CIB1: variants seen among roughly 807,000 people sequenced by gnomAD.
CIB1 encodes the protein calcium and integrin binding 1, also known as calcium and integrin-binding protein 1.
A neutral mutation model predicts 25.0 loss-of-function variants in CIB1; 19 were observed. That is an observed-to-expected ratio of 0.76 (90% CI 0.53 to 1.12). The LOEUF is 1.12. CIB1 is among the 50% of genes most tolerant of loss of function. The probability of loss-of-function intolerance (pLI) is 0.00; values close to 1 mark genes in which losing one functional copy is unlikely to be tolerated. For synonymous variants in CIB1, 104 were observed against 98.5 expected, an observed-to-expected ratio of 1.06 and a Z score of -0.33; for missense variants, 236 against 242.6, an observed-to-expected ratio of 0.97 and a Z score of 0.18.
At chr15:90,242,431 C>CTT in the CIB1 span, 1,840 of 65,314 alleles carry the variant, frequency 0.028, 275 homozygotes, top group Non-Finnish European at 0.042. Flanking sequence ...TTTTCTGTTT[C>CTT]TTTTTTTTTT....
At chr15:90,231,327 G>A (rs765301247) in intron 4 of CIB1, 30 bp downstream of exon 4, 2 of 1,611,244 alleles carry the variant, frequency 1.2e-6, no homozygotes, top group Non-Finnish European at 8.5e-7. Context: ...GGAAGGGGTG[G>A]TGTCCTGCCG....
At chr15:90,241,116 C>A in the CIB1 span, 1 of 1,614,114 alleles carries the variant, frequency 6.2e-7, no homozygotes, top group South Asian at 1.1e-5. Context: ...CTGGAAGCAG[C>A]GGGTGGAGCT....
intron 4 of CIB1, 59 bp downstream of exon 4, chr15:90,231,298 C>A: frequency 1.9e-6 from 3 of 1,608,228 alleles, no homozygotes; most frequent in Non-Finnish European, 2.6e-6. Context: ...CCAAGCAGGG[C>A]CACCACAAAG....
the CIB1 span, chr15:90,258,873 A>G: frequency 1.1e-5 from 18 of 1,614,092 alleles, no homozygotes; most frequent in African/African-American, 2.7e-5. Flanking sequence ...GAGGAGGATA[A>G]GCGGCGAGTC....
chr15:90,252,958 G>T, the CIB1 span, among the ~76,000 whole-genome samples: 1 of 152,078 alleles, frequency 6.6e-6, no homozygotes, highest in Non-Finnish European at 1.5e-5. Flanking sequence ...AGCCAAGACC[G>T]TGCCACTGCA....
the CIB1 span, chr15:90,265,127 T>C: frequency 3.2e-6 from 4 of 1,245,294 alleles, no homozygotes; most frequent in Non-Finnish European, 4.3e-6. Context: ...CACCAAGAAT[T>C]CCTCAATACC....
chr15:90,250,117 C>T, the CIB1 span, among the ~76,000 whole-genome samples: 1 of 151,932 alleles, frequency 6.6e-6, no homozygotes, highest in Admixed American at 6.6e-5. Context: ...CACCAGCACA[C>T]CCAGCTAATT....
At chr15:90,240,980 A>C in the CIB1 span, 1 of 1,613,910 alleles carries the variant, frequency 6.2e-7, no homozygotes, top group Non-Finnish European at 8.5e-7. Flanking sequence ...GGGGCAGGCA[A>C]ACCATTCCTG....
At chr15:90,234,165 GGGA>G (rs1372616875), upstream of CIB1, 2 of 241,508 alleles carry the variant, frequency 8.3e-6, no homozygotes, top group Non-Finnish European at 1.3e-5. Context: ...CCTCCGGGGT[GGGA>G]GGGGGGGGCG....
the CIB1 span, chr15:90,264,681 G>A: frequency 1.3e-6 from 2 of 1,529,482 alleles, no homozygotes; most frequent in Non-Finnish European, 1.7e-6. Flanking sequence ...AATCTCTTCT[G>A]TGAATACCAA....
the CIB1 span, among the ~76,000 whole-genome samples, chr15:90,256,548 T>TCTTTCTTTCTTTCTTTCTTTCTTTC: frequency 1.3e-4 from 3 of 23,172 alleles, no homozygotes; most frequent in African/African-American, 7.3e-4. Flanking sequence ...CCTTCCTTTT[T>TCTTTCTTTCTTTCTTTCTTTCTTTC]CTTTCTTTCT....
the CIB1 span, chr15:90,241,629 G>T: frequency 6.2e-7 from 1 of 1,614,156 alleles, no homozygotes; most frequent in Non-Finnish European, 8.5e-7. Flanking sequence ...CCTGGACCCT[G>T]GAGGCCATTT....
the CIB1 span, chr15:90,259,068 A>T: frequency 4.3e-5 from 64 of 1,476,474 alleles, no homozygotes; most frequent in African/African-American, 6.6e-4. Flanking sequence ...TATTTGCATT[A>T]AAAAAATCAC....
At chr15:90,239,535 A>G in the CIB1 span, among the ~76,000 whole-genome samples, 3 of 152,148 alleles carry the variant, frequency 2.0e-5, no homozygotes, top group African/African-American at 7.2e-5. Context: ...AGAGGGAGGT[A>G]AAGCCTCTTA....
chr15:90,230,797 C>G (rs1317700395), intron 6 of CIB1, 137 bp downstream of exon 6: 1 of 841,156 alleles, frequency 1.2e-6, no homozygotes, highest in Non-Finnish European at 2.0e-6. Flanking sequence ...GGCGAGACTG[C>G]CAGCTTAGCC....
chr15:90,244,467 G>A, the CIB1 span: 1 of 152,172 alleles, frequency 6.6e-6, no homozygotes, highest in African/African-American at 2.4e-5. Flanking sequence ...TTCTAAGAGA[G>A]TATGTGGGTG....
chr15:90,257,896 T>A, the CIB1 span: 1 of 943,834 alleles, frequency 1.1e-6, no homozygotes, highest in Non-Finnish European at 1.6e-6. Context: ...AACCTCACCC[T>A]GATAACTAGT....
At chr15:90,236,970 A>AT (rs570381202), upstream of CIB1, among the ~76,000 whole-genome samples, 2 of 147,358 alleles carry the variant, frequency 1.4e-5, no homozygotes, top group East Asian at 4.1e-4. Flanking sequence ...TATTTTATTT[A>AT]TTTTTTTGAG....
chr15:90,232,330 G>C lies in CIB1; in HGVS notation c.87-3C>G. The C allele has an allele frequency of 1.3e-6, 2 of 1,599,910 alleles. No individual in the cohort carries two copies. Among genetic ancestry groups the C allele is most frequent in the Non-Finnish European group, 8.5e-7 (1 of 1,170,226 alleles). On this transcript the variant is annotated splice_polypyrimidine_tract_variant and splice_region_variant and intron_variant, in intron 2 of 6. Transcript: ENST00000328649. ...GCTCACAAAACCGCCTGTGGGCTCTGGTAGAGAGAGGGGAACTGTCGGTGT... is the reference window on the plus strand; with the variant it reads ...GCTCACAAAACCGCCTGTGGGCTCTCGTAGAGAGAGGGGAACTGTCGGTGT...
Sources: gnomAD v4.1 joint callset for allele counts (sites outside exome capture counted in the v4.1 genomes callset) on GRCh38, gnomAD v4.1.1 for gene constraint, MANE v1.5 for transcripts, NCBI Gene and HGNC (gene_info 2026-07-23, HGNC 2026-07-21) for gene names.